BBOF1: variants seen among roughly 807,000 people sequenced by gnomAD.
The protein encoded by BBOF1 is basal body-orientation factor 1.
BBOF1 carries 62 observed loss-of-function variants against 68.0 expected under a neutral mutation model. That is an observed-to-expected ratio of 0.91 (90% CI 0.74 to 1.13). The LOEUF (loss-of-function observed/expected upper bound fraction) is 1.13, where lower values mean the gene tolerates loss of function less well. BBOF1 is among the 50% of genes most tolerant of loss of function. The pLI, the probability that BBOF1 is intolerant of heterozygous loss-of-function variation, is 0.00. For synonymous variants in BBOF1, 208 were observed against 198.8 expected, an observed-to-expected ratio of 1.05 and a Z score of -0.39; for missense variants, 534 against 600.1, an observed-to-expected ratio of 0.89 and a Z score of 1.15.
chr14:74,071,905 G>C (rs201935817), intron 9 of BBOF1: 2 of 1,614,064 alleles, frequency 1.2e-6, no homozygotes, highest in Non-Finnish European at 1.7e-6. Flanking sequence ...CGAAGGCCTC[G>C]AAATACATCT....
intron 6 of BBOF1, among the ~76,000 whole-genome samples, chr14:74,047,564 G>C (rs1319379584): frequency 2.0e-5 from 3 of 151,970 alleles, no homozygotes; most frequent in Non-Finnish European, 4.4e-5. Context: ...TTCCTGAGTA[G>C]CTGCGACAGA....
intron 6 of BBOF1, among the ~76,000 whole-genome samples, chr14:74,046,408 G>A (rs2059950087): frequency 1.1e-5 from 1 of 88,808 alleles, no homozygotes; most frequent in South Asian, 6.8e-4. Context: ...CTGTCATCCA[G>A]GCTATCCAGG....
chr14:74,044,151 C>G (rs1415246237), intron 5 of BBOF1, among the ~76,000 whole-genome samples: 2 of 151,884 alleles, frequency 1.3e-5, no homozygotes, highest in Non-Finnish European at 2.9e-5. Flanking sequence ...GAGGCTGAGA[C>G]ATGAGAATCA....
chr14:74,021,442 T>G (rs530189118), intron 1 of BBOF1, among the ~76,000 whole-genome samples: 2 of 152,084 alleles, frequency 1.3e-5, no homozygotes, highest in East Asian at 3.9e-4. Context: ...TATTAAAAAT[T>G]AGTTGGGCAT....
At chr14:74,021,767 C>A (rs1382368628) in intron 1 of BBOF1, among the ~76,000 whole-genome samples, 2 of 151,976 alleles carry the variant, frequency 1.3e-5, no homozygotes, top group Non-Finnish European at 2.9e-5. Flanking sequence ...ATTAGCCGGG[C>A]CTGGTGGCGG....
intron 9 of BBOF1, chr14:74,072,634 C>T: frequency 1.2e-6 from 2 of 1,610,940 alleles, no homozygotes; most frequent in South Asian, 2.2e-5. Flanking sequence ...AACAAACAAA[C>T]AAACAAACAA....
At chr14:74,067,997 T>TAAAA (rs35503985), downstream of BBOF1, among the ~76,000 whole-genome samples, 115 of 132,972 alleles carry the variant, frequency 8.6e-4, 1 homozygote, top group African/African-American at 2.0e-3. Context: ...AGAGCAATGT[T>TAAAA]AAAAAAAAAA....
intron 9 of BBOF1, among the ~76,000 whole-genome samples, chr14:74,076,227 A>G (rs995760745): frequency 6.6e-6 from 1 of 152,250 alleles, no homozygotes; most frequent in Non-Finnish European, 1.5e-5. Flanking sequence ...CTATATTGAA[A>G]TGCCATAGGT....
chr14:74,077,443 G>A (rs2060624242), intron 9 of BBOF1, among the ~76,000 whole-genome samples: 1 of 152,134 alleles, frequency 6.6e-6, no homozygotes, highest in Non-Finnish European at 1.5e-5. Flanking sequence ...TCTGCAGGCT[G>A]GGAAGTTCAA....
intron 9 of BBOF1, among the ~76,000 whole-genome samples, chr14:74,075,333 T>C (rs2060600434): frequency 6.6e-6 from 1 of 152,148 alleles, no homozygotes; most frequent in Non-Finnish European, 1.5e-5. Context: ...GCATGGTATC[T>C]AACACAATAG....
chr14:74,081,454 G>A (rs1334192808), intron 12 of BBOF1, among the ~76,000 whole-genome samples: 1 of 152,128 alleles, frequency 6.6e-6, no homozygotes, highest in Non-Finnish European at 1.5e-5. Flanking sequence ...CTGTTAAGAG[G>A]ATGTAAAAAG....
chr14:74,055,651 T>A lies in BBOF1; in HGVS notation c.1354T>A (p.Leu452Met). The A allele has an allele frequency of 6.2e-7, 1 of 1,613,862 alleles. No individual in the cohort carries two copies. Among genetic ancestry groups the A allele is most frequent in the Admixed American group, 1.7e-5 (1 of 59,978 alleles). The change falls in exon 9 of 12, where the codon TTG (leucine) becomes ATG (methionine). Residue 452 changes from leucine to methionine, a missense_variant. Coordinates refer to ENST00000394009, the MANE Select transcript of BBOF1 (RefSeq NM_025057.3). ...TWEQKEKVLR[L>M]LFAKMNGCPS... ...GGAGCAGAAGGAAAAAGTATTGCGATTGCTCTTTGCAAAAATGAATGGCTG... is the reference window on the plus strand; with the variant it reads ...GGAGCAGAAGGAAAAAGTATTGCGAATGCTCTTTGCAAAAATGAATGGCTG...
At position 74,065,038 on chromosome 14, in the gene BBOF1, G is replaced by T; in HGVS notation, c.*339G>T. On this transcript the variant is annotated 3_prime_UTR_variant, in exon 12 of 12. Coordinates refer to ENST00000394009, the MANE Select transcript of BBOF1 (RefSeq NM_025057.3). Reference sequence around the variant, plus strand: ...CCTTCTACCCTATCCTCTACCCCATGAACTTTCATTCCTGAGGAAGAAATG... The same window carrying T: ...CCTTCTACCCTATCCTCTACCCCATTAACTTTCATTCCTGAGGAAGAAATG... 1 of 1,377,012 alleles carries T rather than the reference G, an allele frequency of 7.3e-7. No individual in the cohort carries two copies. Among genetic ancestry groups the T allele is most frequent in the Non-Finnish European group, 1.0e-6 (1 of 982,008 alleles). The allele number at this position is 1,377,012 out of a possible 1,614,324, so 85.3% of individuals were successfully genotyped here.
intron 9 of BBOF1, among the ~76,000 whole-genome samples, chr14:74,073,295 G>A (rs981318898): frequency 1.3e-5 from 2 of 151,796 alleles, no homozygotes; most frequent in Non-Finnish European, 2.9e-5. Context: ...TGATAGAGAC[G>A]GGGTTTGGCC....
intron 11 of BBOF1, chr14:74,059,423 T>C (rs1191826396): frequency 2.2e-6 from 1 of 455,428 alleles, no homozygotes; most frequent in African/African-American, 2.0e-5. Flanking sequence ...TGGCTGGGTG[T>C]GGTGGCTCAT....
At chr14:74,071,969 T>A in intron 9 of BBOF1, 1 of 1,613,988 alleles carries the variant, frequency 6.2e-7, no homozygotes, top group South Asian at 1.1e-5. Flanking sequence ...ACTTGGCAAT[T>A]TCTTTCTAGA....
rs535016206 is a variant in BBOF1, at chr14:74,054,867, C to T, written c.1287-717C>T. ...CTAATTTTTGTATATTTAGTAGAGA[C>T]GGCATTTCACCATGTTGGCCAGGCT... On this transcript the variant is annotated intron_variant, in intron 8 of 11. Transcript: ENST00000394009. 30 of 168,834 alleles carry T rather than the reference C, an allele frequency of 1.8e-4. 1 individual carries two copies. The East Asian group carries it at 4.6e-3, about 26-fold the overall frequency. The allele number at this position is 168,834 out of a possible 1,614,324, so 10.5% of individuals were successfully genotyped here.
At chr14:74,023,983 G>A (rs1358466459) in intron 2 of BBOF1, among the ~76,000 whole-genome samples, 1 of 151,384 alleles carries the variant, frequency 6.6e-6, no homozygotes, top group Non-Finnish European at 1.5e-5. Context: ...ACATTTTGGA[G>A]CCACTACAAT....
At chr14:74,053,814 C>T (rs546883746) in intron 8 of BBOF1, among the ~76,000 whole-genome samples, 52 of 151,792 alleles carry the variant, frequency 3.4e-4, no homozygotes, top group Non-Finnish European at 6.5e-4. Flanking sequence ...CGGGTTTAAG[C>T]GATTCTCCTG....
Sources: allele counts gnomAD v4.1 joint callset (sites outside exome capture counted in the v4.1 genomes callset), GRCh38; gene constraint gnomAD v4.1.1; transcripts MANE v1.5; gene names NCBI Gene and HGNC (gene_info 2026-07-23, HGNC 2026-07-21).